DAB1: variants seen among roughly 807,000 people sequenced by gnomAD.
DAB1 encodes the protein disabled homolog 1.
A neutral mutation model predicts 64.6 loss-of-function variants in DAB1; 15 were observed. That is an observed-to-expected ratio of 0.23 (90% CI 0.16 to 0.36). DAB1 has a LOEUF of 0.36. Among genes scored for constraint, DAB1 ranks in the 10% least tolerant of loss-of-function variants. The pLI, the probability that DAB1 is intolerant of heterozygous loss-of-function variation, is 1.00. For missense variants in DAB1, 596 were observed against 706.7 expected, an observed-to-expected ratio of 0.84 and a Z score of 1.78; for synonymous variants, 235 against 251.9, an observed-to-expected ratio of 0.93 and a Z score of 0.64.
At chr1:58,469,849 GAGGA>G (rs906951543) in intron 3 of DAB1, among the ~76,000 whole-genome samples, 11 of 152,138 alleles carry the variant, frequency 7.2e-5, no homozygotes, top group Non-Finnish European at 8.8e-5. Flanking sequence ...GGTGAGGTAG[GAGGA>G]AGGGAGGACT....
intron 4 of DAB1, among the ~76,000 whole-genome samples, chr1:58,164,603 A>G (rs543560739): frequency 6.6e-6 from 1 of 152,342 alleles, no homozygotes; most frequent in South Asian, 2.1e-4. Flanking sequence ...TAGCATGCCA[A>G]TGAAGGAAAA....
intron 3 of DAB1, among the ~76,000 whole-genome samples, chr1:58,403,812 C>T (rs374100977): frequency 3.4e-4 from 52 of 152,092 alleles, no homozygotes; most frequent in Admixed American, 7.8e-4. Flanking sequence ...TGCATGCATG[C>T]GCACGCATTC....
intron 5 of DAB1, among the ~76,000 whole-genome samples, chr1:57,998,045 A>G (rs1646452921): frequency 6.6e-6 from 1 of 152,156 alleles, no homozygotes; most frequent in South Asian, 2.1e-4. Flanking sequence ...GGGGAATGAA[A>G]GCCCTTCATA....
chr1:57,639,441 C>T (rs1451651733), intron 7 of DAB1, among the ~76,000 whole-genome samples: 1 of 151,778 alleles, frequency 6.6e-6, no homozygotes, highest in East Asian at 1.9e-4. Flanking sequence ...CAATAAGGAA[C>T]TTTTCCAGTT....
intron 3 of DAB1, among the ~76,000 whole-genome samples, chr1:58,348,919 G>A (rs1437711256): frequency 6.6e-6 from 1 of 152,180 alleles, no homozygotes; most frequent in African/African-American, 2.4e-5. Context: ...ATGTCATTAG[G>A]AAGATTGGAC....
At chr1:57,765,535 C>T (rs993946191) in intron 6 of DAB1, among the ~76,000 whole-genome samples, 1 of 152,038 alleles carries the variant, frequency 6.6e-6, no homozygotes, top group Non-Finnish European at 1.5e-5. Flanking sequence ...GAAAGCATAT[C>T]TAGGGGTAAC....
At chr1:57,173,954 A>G (rs1387880935) in intron 2 of DAB1, among the ~76,000 whole-genome samples, 1 of 152,198 alleles carries the variant, frequency 6.6e-6, no homozygotes, top group Non-Finnish European at 1.5e-5. Context: ...TTTAAAATGA[A>G]CAAGGTATGA....
chr1:58,131,459 G>A (rs1472312711), intron 5 of DAB1, among the ~76,000 whole-genome samples: 3 of 139,280 alleles, frequency 2.2e-5, no homozygotes, highest in Non-Finnish European at 3.1e-5. Context: ...CTCTCAGCTC[G>A]TCAAAGTCAT....
chr1:57,636,338 A>C (rs1053629268), intron 7 of DAB1, among the ~76,000 whole-genome samples: 1 of 152,128 alleles, frequency 6.6e-6, no homozygotes, highest in Non-Finnish European at 1.5e-5. Context: ...CTGTTGTTTA[A>C]GCCTCCCAGT....
intron 3 of DAB1, among the ~76,000 whole-genome samples, chr1:58,449,095 G>A (rs879404883): frequency 5.3e-5 from 8 of 152,216 alleles, no homozygotes; most frequent in Admixed American, 3.9e-4. Flanking sequence ...ACATCCACGC[G>A]TGCATGAATG....
At chr1:57,036,786 G>A (rs750294890) in intron 9 of DAB1, among the ~76,000 whole-genome samples, 2 of 152,086 alleles carry the variant, frequency 1.3e-5, no homozygotes, top group African/African-American at 2.4e-5. Context: ...GTTCTGGCTT[G>A]AATCATCATT....
chr1:57,831,329 C>T (rs997376031), intron 1 of DAB1, among the ~76,000 whole-genome samples: 5 of 152,038 alleles, frequency 3.3e-5, no homozygotes, highest in Non-Finnish European at 7.4e-5. Context: ...ATGTTTTTCC[C>T]TTACTCGTCT....
intron 2 of DAB1, among the ~76,000 whole-genome samples, chr1:57,169,986 TTC>T (rs1370501962): frequency 6.9e-6 from 1 of 145,312 alleles, no homozygotes; most frequent in Non-Finnish European, 1.5e-5. Context: ...CTTTTTCTTT[TTC>T]TTTCTTTCTT....
At chr1:58,063,273 T>G (rs763356664) in intron 5 of DAB1, among the ~76,000 whole-genome samples, 1 of 152,016 alleles carries the variant, frequency 6.6e-6, no homozygotes, top group Admixed American at 6.5e-5. Context: ...TGGGGTACAA[T>G]AACTGAAGAG....
chr1:58,416,515 G>A (rs887782760), intron 3 of DAB1, among the ~76,000 whole-genome samples: 1 of 152,116 alleles, frequency 6.6e-6, no homozygotes, highest in Non-Finnish European at 1.5e-5. Context: ...ATTAACTACA[G>A]GCAGCTATGA....
chr1:57,156,090 C>A (rs905062765), intron 2 of DAB1, among the ~76,000 whole-genome samples: 1 of 152,094 alleles, frequency 6.6e-6, no homozygotes, highest in African/African-American at 2.4e-5. Flanking sequence ...CTGGGGTACA[C>A]ATATATATCA....
chr1:57,157,962 C>A (rs77002307), intron 2 of DAB1, among the ~76,000 whole-genome samples: 3 of 152,168 alleles, frequency 2.0e-5, no homozygotes, highest in Non-Finnish European at 4.4e-5. Flanking sequence ...TGCGAGGCCA[C>A]GCTGCTAAGG....
chr1:58,128,531 T>C (rs1212355197), intron 5 of DAB1, among the ~76,000 whole-genome samples: 1 of 133,882 alleles, frequency 7.5e-6, no homozygotes, highest in Non-Finnish European at 1.6e-5. Flanking sequence ...CCCTGTCTTG[T>C]GCCAGTTTTC....
At chr1:57,829,883 G>A (rs1569800578) in intron 1 of DAB1, among the ~76,000 whole-genome samples, 1 of 152,206 alleles carries the variant, frequency 6.6e-6, no homozygotes, top group Non-Finnish European at 1.5e-5. Flanking sequence ...GAGCATTACT[G>A]CAGTGCTGGT....
Sources: gnomAD v4.1 joint callset for allele counts (sites outside exome capture counted in the v4.1 genomes callset) on GRCh38, gnomAD v4.1.1 for gene constraint, MANE v1.5 for transcripts, NCBI Gene and HGNC (gene_info 2026-07-23, HGNC 2026-07-21) for gene names.